ATAD2B: variants seen among roughly 807,000 people sequenced by gnomAD.
ATAD2B encodes ATPase family AAA domain-containing protein 2B.
Under a neutral mutation model 167.6 loss-of-function variants are expected in ATAD2B, and 40 were observed. That is an observed-to-expected ratio of 0.24 (90% CI 0.19 to 0.31). The LOEUF (loss-of-function observed/expected upper bound fraction) is 0.31, where lower values mean the gene tolerates loss of function less well. Among genes scored for constraint, ATAD2B ranks in the 10% least tolerant of loss-of-function variants. The pLI is 1.00. For synonymous variants in ATAD2B, 579 were observed against 596.5 expected, an observed-to-expected ratio of 0.97 and a Z score of 0.43; for missense variants, 1,242 against 1,757.2, an observed-to-expected ratio of 0.71 and a Z score of 5.24.
At chr2:23,807,162 G>A (rs906923929) in intron 18 of ATAD2B, among the ~76,000 whole-genome samples, 1 of 152,176 alleles carries the variant, frequency 6.6e-6, no homozygotes, top group African/African-American at 2.4e-5. Flanking sequence ...ATCAGATCAT[G>A]GGAGCTGAGA....
chr2:23,818,444 A>T (rs529842379), intron 17 of ATAD2B, among the ~76,000 whole-genome samples: 15 of 152,044 alleles, frequency 9.9e-5, no homozygotes, highest in Admixed American at 7.2e-4. Flanking sequence ...AATAGCCTAT[A>T]AAAAAACTTC....
chr2:23,682,737 G>A, the ATAD2B span, among the ~76,000 whole-genome samples: 2 of 151,848 alleles, frequency 1.3e-5, no homozygotes, highest in African/African-American at 4.8e-5. This position sits in a 1 kb window ranked among gnomAD's most constrained non-coding sequence, Gnocchi z 4.1. Flanking sequence ...GTTGGTCTCT[G>A]TCTGTAGCTC....
chr2:23,817,994 A>G (rs552800179), intron 17 of ATAD2B, among the ~76,000 whole-genome samples: 19 of 152,224 alleles, frequency 1.2e-4, no homozygotes, highest in African/African-American at 4.1e-4. Context: ...ATCTTATAAA[A>G]TTAAACACGT....
chr2:23,679,916 C>CT, the ATAD2B span, among the ~76,000 whole-genome samples: 1,758 of 152,172 alleles, frequency 0.012, 31 homozygotes, highest in African/African-American at 0.039. Context: ...GGGACGGAGA[C>CT]TTGGAGTGGG....
intron 22 of ATAD2B, among the ~76,000 whole-genome samples, chr2:23,771,810 A>G (rs1375272056): frequency 6.6e-6 from 1 of 152,132 alleles, no homozygotes; most frequent in South Asian, 2.1e-4. Context: ...ACACATATGC[A>G]CTAACCAGTA....
At chr2:23,731,245 G>T in the ATAD2B span, among the ~76,000 whole-genome samples, 3 of 152,128 alleles carry the variant, frequency 2.0e-5, no homozygotes, top group African/African-American at 7.2e-5. Flanking sequence ...TAAAGGCAAA[G>T]AATCTATCAT....
chr2:23,696,511 G>C, the ATAD2B span: 5 of 1,519,794 alleles, frequency 3.3e-6, no homozygotes, highest in East Asian at 1.2e-4. This position sits in a 1 kb window ranked among gnomAD's most constrained non-coding sequence, Gnocchi z 5.5. Flanking sequence ...ACCACGTGGA[G>C]AGGTAATGAG....
intron 13 of ATAD2B, among the ~76,000 whole-genome samples, chr2:23,849,213 A>G (rs1170665223): frequency 6.6e-6 from 1 of 152,212 alleles, no homozygotes; most frequent in African/African-American, 2.4e-5. Flanking sequence ...CCAACTTTAT[A>G]TAGTCTATGA....
At chr2:23,853,139 C>T (rs955879807) in intron 13 of ATAD2B, among the ~76,000 whole-genome samples, 11 of 152,120 alleles carry the variant, frequency 7.2e-5, no homozygotes, top group Admixed American at 3.9e-4. Context: ...GTTAAAATCA[C>T]ATTCAATGGT....
the ATAD2B span, among the ~76,000 whole-genome samples, chr2:23,716,027 G>T: frequency 1.3e-5 from 2 of 152,284 alleles, no homozygotes; most frequent in East Asian, 3.9e-4. Flanking sequence ...GCAAAGTCCT[G>T]TTAAAATACT....
chr2:23,920,763 C>G (rs1481985538), intron 1 of ATAD2B, among the ~76,000 whole-genome samples: 1 of 152,118 alleles, frequency 6.6e-6, no homozygotes, highest in Non-Finnish European at 1.5e-5. Flanking sequence ...GATTCCCCCC[C>G]AACTTTGTAC....
intron 16 of ATAD2B, 115 bp downstream of exon 16, chr2:23,823,143 C>T (rs1299638784): frequency 3.2e-6 from 3 of 936,600 alleles, no homozygotes; most frequent in South Asian, 3.6e-5. Flanking sequence ...ATATATAGTA[C>T]TGAATAAACA....
At chr2:23,824,161 T>C (rs1473607170) in intron 15 of ATAD2B, among the ~76,000 whole-genome samples, 2 of 152,134 alleles carry the variant, frequency 1.3e-5, no homozygotes, top group African/African-American at 2.4e-5. Context: ...GAGGTCTCAC[T>C]ACATTGCCTA....
the ATAD2B span, among the ~76,000 whole-genome samples, chr2:23,705,812 A>T: frequency 6.6e-6 from 1 of 152,230 alleles, no homozygotes; most frequent in African/African-American, 2.4e-5. Flanking sequence ...CAGTGCAAAG[A>T]AGTAGCTGAA....
chr2:23,716,438 A>ATTGTTGTTGTTGTTGTTGTTG, the ATAD2B span, among the ~76,000 whole-genome samples: 1 of 150,090 alleles, frequency 6.7e-6, no homozygotes, highest in Non-Finnish European at 1.5e-5. Flanking sequence ...GGGACCTTTC[A>ATTGTTGTTGTTGTTGTTGTTG]TTGTTGTTGT....
intron 13 of ATAD2B, among the ~76,000 whole-genome samples, chr2:23,844,443 T>A (rs990244690): frequency 4.6e-5 from 7 of 151,922 alleles, no homozygotes; most frequent in Middle Eastern, 3.4e-3. Context: ...GAAAACACAA[T>A]CCGTAATGAG....
At chr2:23,775,371 G>A (rs1019148906) in intron 22 of ATAD2B, among the ~76,000 whole-genome samples, 1 of 151,712 alleles carries the variant, frequency 6.6e-6, no homozygotes, top group African/African-American at 2.4e-5. Flanking sequence ...ACACCACCAT[G>A]CCCAGCTAAT....
At chr2:23,838,623 T>C (rs554053958) in intron 13 of ATAD2B, among the ~76,000 whole-genome samples, 16 of 152,306 alleles carry the variant, frequency 1.1e-4, no homozygotes, top group African/African-American at 3.4e-4. Context: ...CTTTCAAATA[T>C]AGATCTAAAA....
At chr2:23,825,109 ATTTTTTTT>A (rs70941593) in intron 15 of ATAD2B, among the ~76,000 whole-genome samples, 1 of 111,526 alleles carries the variant, frequency 9.0e-6, no homozygotes, top group African/African-American at 3.6e-5. Context: ...CATCAGGCTA[ATTTTTTTT>A]TTTTTTTTTT....
Sources: gnomAD v4.1 joint callset for allele counts (sites outside exome capture counted in the v4.1 genomes callset) on GRCh38, gnomAD v4.1.1 for gene constraint, Gnocchi (gnomAD v3.1) non-coding constraint, MANE v1.5 for transcripts, NCBI Gene and HGNC (gene_info 2026-07-23, HGNC 2026-07-21) for gene names.